SCN11A: variants seen among roughly 807,000 people sequenced by gnomAD.
SCN11A encodes the protein sodium voltage-gated channel alpha subunit 11, also known as sodium channel protein type 11 subunit alpha.
In SCN11A, 122 loss-of-function variants were observed where a neutral mutation model predicts 162.2. The ratio of observed to expected loss-of-function variants is 0.75; its 90% CI spans 0.65 to 0.87. The LOEUF (loss-of-function observed/expected upper bound fraction) is 0.87, where lower values mean the gene tolerates loss of function less well. Among genes scored for constraint, SCN11A ranks in the 40% least tolerant of loss-of-function variants. SCN11A has a pLI of 0.00. For synonymous variants in SCN11A, 758 were observed against 751.5 expected (o/e 1.01, Z -0.14); for missense variants, 2,015 against 2,181.6 (o/e 0.92, Z 1.52).
rs932862171 is a variant in SCN11A, at chr3:38,911,580, C to T, written c.960-1373G>A. ...GTAAATTCTCTGCATCATTTCTTCACTAATTTCCTCCCTTTTGTTTAATCA... is the reference window on the plus strand; with the variant it reads ...GTAAATTCTCTGCATCATTTCTTCATTAATTTCCTCCCTTTTGTTTAATCA... On this transcript the variant is annotated intron_variant, in intron 11 of 29. Transcript: ENST00000302328. Among the ~76,000 whole-genome samples, 3 of 152,110 alleles carry T rather than the reference C, an allele frequency of 2.0e-5. 1 individual carries two copies. The highest frequency in any genetic ancestry group is 4.4e-5 in the Non-Finnish European group (3 of 68,028).
chr3:38,884,752 G>A (rs2065366272), intron 21 of SCN11A, among the ~76,000 whole-genome samples: 1 of 152,198 alleles, frequency 6.6e-6, no homozygotes. Flanking sequence ...TCTTCTAAGT[G>A]ATTTATATTC....
chr3:38,977,821 A>G (rs2125589264), intron 2 of SCN11A, among the ~76,000 whole-genome samples: 1 of 152,256 alleles, frequency 6.6e-6, no homozygotes, highest in South Asian at 2.1e-4. Flanking sequence ...CATTCTTTCA[A>G]AGGCATAGCT....
At chr3:38,881,881 T>C (rs563397528) in intron 22 of SCN11A, among the ~76,000 whole-genome samples, 1 of 152,342 alleles carries the variant, frequency 6.6e-6, no homozygotes, top group African/African-American at 2.4e-5. Context: ...TGCCCTCTGC[T>C]ACATTTCTGA....
intron 2 of SCN11A, among the ~76,000 whole-genome samples, chr3:39,018,496 T>C (rs1296815896): frequency 6.6e-6 from 1 of 152,154 alleles, no homozygotes; most frequent in Admixed American, 6.5e-5. Context: ...AACTGTCTTT[T>C]GTTGTTTGAT....
intron 3 of SCN11A, among the ~76,000 whole-genome samples, chr3:38,954,920 G>A (rs1163651605): frequency 8.5e-5 from 13 of 152,060 alleles, no homozygotes; most frequent in African/African-American, 2.4e-4. Context: ...TCCAGGAGGC[G>A]GAGGTTGCAG....
At chr3:39,026,346 A>G (rs927985045) in intron 2 of SCN11A, among the ~76,000 whole-genome samples, 1 of 152,232 alleles carries the variant, frequency 6.6e-6, no homozygotes, top group African/African-American at 2.4e-5. Flanking sequence ...TACCTGGGAT[A>G]TAATTTAGAA....
chr3:38,907,913 CA>C, intron 14 of SCN11A, 35 bp downstream of exon 14: 1 of 1,554,308 alleles, frequency 6.4e-7, no homozygotes, highest in South Asian at 1.2e-5. Context: ...CCCTGGACAG[CA>C]ATATGGTATC....
intron 2 of SCN11A, among the ~76,000 whole-genome samples, chr3:38,998,423 T>C (rs1259866799): frequency 6.6e-6 from 1 of 152,212 alleles, no homozygotes; most frequent in Admixed American, 6.5e-5. Flanking sequence ...GATGCTTTTA[T>C]GTCTAGTGGG....
intron 2 of SCN11A, among the ~76,000 whole-genome samples, chr3:39,028,377 C>T (rs146401215): frequency 4.8e-4 from 73 of 152,286 alleles, no homozygotes; most frequent in African/African-American, 1.6e-3. Flanking sequence ...ATCCTTAAAC[C>T]TGCTAGATGC....
At chr3:38,899,753 C>T in intron 17 of SCN11A, 141 bp downstream of exon 17, 1 of 644,522 alleles carries the variant, frequency 1.6e-6, no homozygotes, top group Non-Finnish European at 2.7e-6. Context: ...AAGACCTGTG[C>T]AGGAAGAGGA....
chr3:39,018,559 C>G (rs1024991766), intron 2 of SCN11A, among the ~76,000 whole-genome samples: 23 of 152,142 alleles, frequency 1.5e-4, no homozygotes, highest in Admixed American at 5.2e-4. Flanking sequence ...TGGCTCAAGC[C>G]TGTAATCCCA....
chr3:38,847,080 T>C lies in SCN11A; in HGVS notation c.4990A>G (p.Lys1664Glu), dbSNP rs755920863. 2.5e-6 allele frequency: 4 copies of C among 1,613,996 alleles called. No individual in the cohort carries two copies. Among genetic ancestry groups the C allele is most frequent in the Non-Finnish European group, 2.5e-6 (3 of 1,180,036 alleles). Residue 1664 changes from lysine to glutamate, a missense_variant, in exon 30 of 30, where the codon AAA (lysine) becomes GAA (glutamate). Coordinates refer to ENST00000302328, the MANE Select transcript of SCN11A (RefSeq NM_001349253.2). ...PEPLRVAKPN[K>E]YQFLVMDLPM... ...AAGTCCATTACTAGAAATTGATATTTATTTGGCTTTGCGACACGCAAAGGC... is the reference window on the plus strand; with the variant it reads ...AAGTCCATTACTAGAAATTGATATTCATTTGGCTTTGCGACACGCAAAGGC...
At chr3:38,951,784 C>G (rs148581349) in intron 4 of SCN11A, among the ~76,000 whole-genome samples, 2,422 of 152,184 alleles carry the variant, frequency 0.016, 64 homozygotes, top group African/African-American at 0.056. Context: ...CTGTATCTAA[C>G]TAATCTGATG....
At chr3:38,951,414 C>T (rs906543307) in intron 4 of SCN11A, among the ~76,000 whole-genome samples, 4 of 152,378 alleles carry the variant, frequency 2.6e-5, no homozygotes, top group East Asian at 1.9e-4. Flanking sequence ...ACCTGCAGCC[C>T]GCCATGCCTG....
chr3:38,958,092 T>A (rs1427456621), intron 3 of SCN11A, among the ~76,000 whole-genome samples: 1 of 152,198 alleles, frequency 6.6e-6, no homozygotes, highest in Non-Finnish European at 1.5e-5. Flanking sequence ...CGCCTGTAGT[T>A]ATAAAAGTCA....
intron 2 of SCN11A, among the ~76,000 whole-genome samples, chr3:38,989,114 C>T (rs566363105): frequency 1.3e-5 from 2 of 152,250 alleles, no homozygotes; most frequent in East Asian, 3.9e-4. Context: ...TGGGGGAAAG[C>T]CAGCCTCCAT....
At chr3:39,045,491 G>T (rs1042322006) in intron 1 of SCN11A, among the ~76,000 whole-genome samples, 2 of 152,142 alleles carry the variant, frequency 1.3e-5, no homozygotes, top group Admixed American at 6.5e-5. Context: ...TTCAACATAT[G>T]CAAATCAATA....
At chr3:38,991,821 A>G (rs1406729459) in intron 2 of SCN11A, among the ~76,000 whole-genome samples, 1 of 151,762 alleles carries the variant, frequency 6.6e-6, no homozygotes, top group Non-Finnish European at 1.5e-5. Flanking sequence ...ATTGTATTTT[A>G]TTTTTGAGAC....
intron 2 of SCN11A, among the ~76,000 whole-genome samples, chr3:39,008,478 C>A (rs2031037650): frequency 6.6e-6 from 1 of 152,084 alleles, no homozygotes; most frequent in South Asian, 2.1e-4. Flanking sequence ...AAAGGAGACA[C>A]CCGGATAACT....
Sources: gnomAD v4.1 joint callset for allele counts (sites outside exome capture counted in the v4.1 genomes callset) on GRCh38, gnomAD v4.1.1 for gene constraint, MANE v1.5 for transcripts, NCBI Gene and HGNC (gene_info 2026-07-23, HGNC 2026-07-21) for gene names.